The following SCAND3 variants were observed in gnomAD, a reference collection of about 807,000 sequenced individuals.
SCAND3 encodes SCAN domain-containing protein 3.
At chr6:28,577,661 G>A in the SCAND3 span, among the ~76,000 whole-genome samples, 1 of 152,094 alleles carries the variant, frequency 6.6e-6, no homozygotes, top group African/African-American at 2.4e-5. Context: ...TGGATCCACT[G>A]GTCTGAAGAC....
At chr6:28,598,715 A>AAATAC in the SCAND3 span, among the ~76,000 whole-genome samples, 2 of 148,482 alleles carry the variant, frequency 1.3e-5, no homozygotes, top group African/African-American at 5.0e-5. Flanking sequence ...AAATAAAATA[A>AAATAC]AATAAAATAA....
chr6:28,601,493 A>G, the SCAND3 span, among the ~76,000 whole-genome samples: 1 of 152,118 alleles, frequency 6.6e-6, no homozygotes, highest in African/African-American at 2.4e-5. Context: ...TGTTTTTGTC[A>G]ATGATATTCA....
At chr6:28,576,409 A>G in the SCAND3 span, among the ~76,000 whole-genome samples, 1 of 152,022 alleles carries the variant, frequency 6.6e-6, no homozygotes, top group Non-Finnish European at 1.5e-5. Flanking sequence ...ACAGGTGCGC[A>G]CCATGACACT....
the SCAND3 span, chr6:28,579,502 A>G: frequency 8.1e-7 from 1 of 1,233,716 alleles, no homozygotes; most frequent in East Asian, 2.3e-5. This position sits in a 1 kb window ranked among gnomAD's most constrained non-coding sequence, Gnocchi z 4.5. Flanking sequence ...CCACTAAAAT[A>G]GAATGTAAGA....
the SCAND3 span, chr6:28,589,418 C>A: frequency 2.0e-5 from 3 of 152,044 alleles, no homozygotes; most frequent in Non-Finnish European, 2.9e-5. Flanking sequence ...GACTTTGAAT[C>A]CAGCAATCCG....
chr6:28,591,822 C>G, the SCAND3 span: 4 of 152,090 alleles, frequency 2.6e-5, no homozygotes, highest in Non-Finnish European at 5.9e-5. Context: ...AACTTCTTTT[C>G]CAAAGAAGAT....
chr6:28,573,120 A>G, the SCAND3 span: 1 of 1,610,816 alleles, frequency 6.2e-7, no homozygotes, highest in Non-Finnish European at 8.5e-7. Context: ...TATCATCATC[A>G]TGTTCAAACC....
the SCAND3 span, among the ~76,000 whole-genome samples, chr6:28,614,023 G>A: frequency 3.3e-5 from 5 of 151,494 alleles, no homozygotes; most frequent in Non-Finnish European, 5.9e-5. Flanking sequence ...GAGCGCAATG[G>A]CGTGATCTTG....
At chr6:28,573,549 T>C in the SCAND3 span, 47 of 1,613,304 alleles carry the variant, frequency 2.9e-5, no homozygotes, top group South Asian at 3.9e-4. Context: ...GTTTTGAATA[T>C]AAATGTCGCT....
the SCAND3 span, chr6:28,575,687 C>T: frequency 1.9e-6 from 3 of 1,613,970 alleles, no homozygotes; most frequent in South Asian, 3.3e-5. This position sits in a 1 kb window ranked among gnomAD's most constrained non-coding sequence, Gnocchi z 4.2. Context: ...ATTATAACTT[C>T]TTTTGTGATG....
At chr6:28,575,315 A>C in the SCAND3 span, 6 of 1,613,994 alleles carry the variant, frequency 3.7e-6, no homozygotes, top group Admixed American at 1.0e-4. The surrounding 1 kb of genome is among the most constrained non-coding windows in gnomAD (Gnocchi z 4.2). Context: ...CAGGTCTGAG[A>C]CTTCCCATGG....
chr6:28,606,011 A>G, the SCAND3 span, among the ~76,000 whole-genome samples: 1 of 152,338 alleles, frequency 6.6e-6, no homozygotes, highest in South Asian at 2.1e-4. Flanking sequence ...ATGAGAGGAA[A>G]ACATCAGGTC....
At chr6:28,581,765 C>A in the SCAND3 span, among the ~76,000 whole-genome samples, 41 of 152,294 alleles carry the variant, frequency 2.7e-4, no homozygotes, top group East Asian at 7.7e-3. Flanking sequence ...GCTTATTTCT[C>A]CCTGGCCAGA....
the SCAND3 span, among the ~76,000 whole-genome samples, chr6:28,577,903 G>A: frequency 2.0e-5 from 3 of 152,070 alleles, no homozygotes; most frequent in Non-Finnish European, 4.4e-5. Context: ...ACCTTTTTAG[G>A]TCAAAATAAT....
At chr6:28,586,478 C>T in the SCAND3 span, 175 of 1,614,236 alleles carry the variant, frequency 1.1e-4, no homozygotes, top group East Asian at 3.8e-3. This position sits in a 1 kb window ranked among gnomAD's most constrained non-coding sequence, Gnocchi z 4.4. Context: ...CTGGGTTCAG[C>T]CACTGACGGC....
the SCAND3 span, among the ~76,000 whole-genome samples, chr6:28,615,026 T>C: frequency 6.6e-6 from 1 of 152,196 alleles, no homozygotes; most frequent in Non-Finnish European, 1.5e-5. Context: ...TTAGGACTTG[T>C]TTTCCTCTAT....
the SCAND3 span, chr6:28,586,387 A>T: frequency 6.2e-7 from 1 of 1,614,148 alleles, no homozygotes. The surrounding 1 kb of genome is among the most constrained non-coding windows in gnomAD (Gnocchi z 4.4). Context: ...TCCCGCACCC[A>T]AGACTGGAGC....
At chr6:28,610,532 A>AAG in the SCAND3 span, among the ~76,000 whole-genome samples, 1 of 152,072 alleles carries the variant, frequency 6.6e-6, no homozygotes, top group African/African-American at 2.4e-5. Context: ...AAAAGAAAGA[A>AAG]AGAGAGAGAG....
chr6:28,596,483 G>C, the SCAND3 span, among the ~76,000 whole-genome samples: 1 of 151,994 alleles, frequency 6.6e-6, no homozygotes, highest in African/African-American at 2.4e-5. Flanking sequence ...AACAACAGTG[G>C]TTATCAGTAA....
Sources: gnomAD v4.1 joint callset for allele counts (sites outside exome capture counted in the v4.1 genomes callset) on GRCh38, gnomAD v4.1.1 for gene constraint, Gnocchi (gnomAD v3.1) non-coding constraint, MANE v1.5 for transcripts, NCBI Gene and HGNC (gene_info 2026-07-23, HGNC 2026-07-21) for gene names.